The following MED27 variants were observed in gnomAD, a reference collection of about 807,000 sequenced individuals.
The protein encoded by MED27 is mediator complex subunit 27.
MED27 carries 30 observed loss-of-function variants against 38.2 expected under a neutral mutation model. The observed-to-expected ratio is 0.79, with a 90% CI of 0.59 to 1.07. The LOEUF (loss-of-function observed/expected upper bound fraction) is 1.07, where lower values mean the gene tolerates loss of function less well. Ranked by LOEUF, MED27 falls within the 50% of genes least tolerant of loss-of-function variation. MED27 has a pLI of 0.00. For synonymous variants in MED27, 122 were observed against 153.5 expected (o/e 0.79, Z 1.52); for missense variants, 289 against 397.5 (o/e 0.73, Z 2.32).
At chr9:132,060,777 C>T (rs911111293) in intron 2 of MED27, among the ~76,000 whole-genome samples, 1 of 152,062 alleles carries the variant, frequency 6.6e-6, no homozygotes, top group Non-Finnish European at 1.5e-5. Context: ...GGTGAGATCC[C>T]GCCTCTACTA....
chr9:131,990,437 A>G (rs951935932), intron 3 of MED27, among the ~76,000 whole-genome samples: 9 of 152,314 alleles, frequency 5.9e-5, no homozygotes, highest in Middle Eastern at 3.4e-3. Flanking sequence ...CATGTTCACA[A>G]AAACTATCAC....
At chr9:132,069,456 T>C (rs1217147562) in intron 2 of MED27, among the ~76,000 whole-genome samples, 4 of 152,200 alleles carry the variant, frequency 2.6e-5, no homozygotes, top group Non-Finnish European at 5.9e-5. Flanking sequence ...GATAGGGGCA[T>C]GGCTTGATTT....
intron 2 of MED27, chr9:132,073,672 AG>A: frequency 3.3e-6 from 5 of 1,509,844 alleles, no homozygotes; most frequent in Non-Finnish European, 4.4e-6. Context: ...AGAACAGTTC[AG>A]GAGGGCAGGA....
chr9:131,879,780 C>G (rs549490527), intron 6 of MED27, among the ~76,000 whole-genome samples: 1 of 152,164 alleles, frequency 6.6e-6, no homozygotes, highest in Admixed American at 6.5e-5. Flanking sequence ...AGATGTCTGC[C>G]GCAGTGCTCC....
At chr9:131,963,296 C>A (rs1266990138) in intron 3 of MED27, among the ~76,000 whole-genome samples, 1 of 151,922 alleles carries the variant, frequency 6.6e-6, no homozygotes, top group African/African-American at 2.4e-5. Flanking sequence ...GAACAAAGAC[C>A]CCCTGAGGTT....
intron 4 of MED27, among the ~76,000 whole-genome samples, chr9:131,912,320 T>C (rs1830206187): frequency 6.6e-6 from 1 of 152,252 alleles, no homozygotes; most frequent in East Asian, 1.9e-4. Context: ...GAGTGCTTCC[T>C]AAACTTACTG....
At chr9:132,032,164 C>T (rs1252854392) in intron 2 of MED27, 1 of 152,176 alleles carries the variant, frequency 6.6e-6, no homozygotes, top group African/African-American at 2.4e-5. Context: ...GCCGAGCCCA[C>T]CTTGGCTGCA....
At chr9:131,925,403 C>G (rs907599780) in intron 4 of MED27, among the ~76,000 whole-genome samples, 1 of 152,110 alleles carries the variant, frequency 6.6e-6, no homozygotes, top group Non-Finnish European at 1.5e-5. Context: ...CAATTATACT[C>G]TTCATTATTT....
intron 4 of MED27, among the ~76,000 whole-genome samples, chr9:131,900,427 T>C (rs1487039352): frequency 1.3e-5 from 2 of 152,250 alleles, no homozygotes; most frequent in Admixed American, 1.3e-4. Flanking sequence ...CTCTGCCAAC[T>C]GACGTCTAAC....
intron 2 of MED27, among the ~76,000 whole-genome samples, chr9:132,025,966 T>C (rs1832808959): frequency 6.6e-6 from 1 of 152,058 alleles, no homozygotes; most frequent in African/African-American, 2.4e-5. Flanking sequence ...CAAAAACAAG[T>C]CTGTTCCTGT....
intron 3 of MED27, among the ~76,000 whole-genome samples, chr9:131,976,716 A>C (rs1831614915): frequency 6.6e-6 from 1 of 152,244 alleles, no homozygotes; most frequent in Admixed American, 6.5e-5. Flanking sequence ...ATTTGCTTTA[A>C]GAAAATCTGT....
rs188347249 is a variant in MED27, at chr9:132,003,146, C to G, written c.479+11191G>C. 6.6e-6 allele frequency among the ~76,000 whole-genome samples: 1 copy of G among 152,176 alleles called. No individual in the cohort carries two copies. The highest frequency in any genetic ancestry group is 1.9e-4 in the East Asian group (1 of 5,168). ...TGATGAGCTGTACTACACAACCACC[C>G]ATTTCTTTTCTTCCTTTGCCCAATA... On this transcript the variant is annotated intron_variant, in intron 3 of 7. Coordinates refer to ENST00000292035, the MANE Select transcript of MED27 (RefSeq NM_004269.4). The surrounding 1 kb of genome is among the most constrained non-coding windows in gnomAD (Gnocchi z 4.2).
chr9:131,908,648 T>C (rs911412768), intron 4 of MED27, among the ~76,000 whole-genome samples: 9 of 152,322 alleles, frequency 5.9e-5, no homozygotes, highest in Admixed American at 1.3e-4. Context: ...TGGTGCAAGA[T>C]GTGCTTTGTT....
chr9:131,895,761 C>A (rs1283513308), intron 4 of MED27, among the ~76,000 whole-genome samples: 4 of 152,162 alleles, frequency 2.6e-5, no homozygotes, highest in African/African-American at 9.7e-5. Flanking sequence ...TATGTCCAAT[C>A]AATGGGTCAT....
chr9:131,910,527 ATT>A (rs148254531), intron 4 of MED27, among the ~76,000 whole-genome samples: 1 of 150,482 alleles, frequency 6.6e-6, no homozygotes, highest in Non-Finnish European at 1.5e-5. Context: ...TTACATTTGG[ATT>A]TTTTTTTTAA....
intron 6 of MED27, among the ~76,000 whole-genome samples, chr9:131,869,884 C>CAA (rs1023352551): frequency 5.3e-4 from 81 of 152,240 alleles, no homozygotes; most frequent in Admixed American, 2.9e-3. Context: ...CATTGCCTGC[C>CAA]AACAGATCCA....
chr9:132,038,514 C>T (rs902398963), intron 2 of MED27, among the ~76,000 whole-genome samples: 1 of 152,134 alleles, frequency 6.6e-6, no homozygotes, highest in African/African-American at 2.4e-5. Context: ...TCTAAGCACT[C>T]GAGAAATATC....
chr9:132,015,392 G>C (rs1249090846), intron 2 of MED27, among the ~76,000 whole-genome samples: 1 of 152,168 alleles, frequency 6.6e-6, no homozygotes, highest in Non-Finnish European at 1.5e-5. Context: ...ACTTAGGATA[G>C]ATAACTTTAC....
chr9:131,958,172 A>C (rs559722921), intron 3 of MED27, among the ~76,000 whole-genome samples: 2 of 152,260 alleles, frequency 1.3e-5, no homozygotes, highest in African/African-American at 4.8e-5. Context: ...TGATTTTTTA[A>C]AACATGCTCG....
Sources: gnomAD v4.1 joint callset for allele counts (sites outside exome capture counted in the v4.1 genomes callset) on GRCh38, gnomAD v4.1.1 for gene constraint, Gnocchi (gnomAD v3.1) non-coding constraint, MANE v1.5 for transcripts, NCBI Gene and HGNC (gene_info 2026-07-23, HGNC 2026-07-21) for gene names.